Variants in CCDC190 observed in about 807,000 individuals in gnomAD.
CCDC190 encodes coiled-coil domain containing 190, also known as coiled-coil domain-containing protein 190.
In CCDC190, 10 loss-of-function variants were observed where a neutral mutation model predicts 13.1. The ratio of observed to expected loss-of-function variants is 0.77; its 90% CI spans 0.47 to 1.30. CCDC190 has a LOEUF of 1.30. CCDC190 is among the 50% of genes most tolerant of loss of function. The pLI is 0.00. For missense variants in CCDC190, 375 were observed against 354.3 expected (o/e 1.06, Z -0.47); for synonymous variants, 136 against 127.2 (o/e 1.07, Z -0.47).
upstream of CCDC190, among the ~76,000 whole-genome samples, chr1:162,864,705 T>C (rs1650639043): frequency 6.6e-6 from 1 of 152,062 alleles, no homozygotes; most frequent in South Asian, 2.1e-4. Flanking sequence ...TAAAGCTGTA[T>C]ACTCTACACT....
chr1:162,857,619 C>T (rs927105912), intron 2 of CCDC190, among the ~76,000 whole-genome samples: 13 of 152,138 alleles, frequency 8.5e-5, no homozygotes, highest in African/African-American at 2.7e-4. Flanking sequence ...ACAAACTTCC[C>T]GCCCTTTCCC....
intron 2 of CCDC190, chr1:162,855,957 C>T: frequency 2.3e-6 from 1 of 442,164 alleles, no homozygotes; most frequent in Non-Finnish European, 4.1e-6. Flanking sequence ...GAACTTAGAA[C>T]ACACAGACAC....
At chr1:162,867,501 G>A (rs1011943147) in intron 1 of CCDC190, among the ~76,000 whole-genome samples, 2 of 152,186 alleles carry the variant, frequency 1.3e-5, no homozygotes, top group African/African-American at 2.4e-5. Flanking sequence ...AAAATGGTAT[G>A]ACCATTTTGG....
intron 2 of CCDC190, among the ~76,000 whole-genome samples, chr1:162,858,373 T>C (rs911440437): frequency 6.6e-6 from 1 of 152,210 alleles, no homozygotes; most frequent in African/African-American, 2.4e-5. Context: ...AAATGGCTTC[T>C]AAGACCCTTT....
chr1:162,866,771 G>C (rs113617104), intron 1 of CCDC190, among the ~76,000 whole-genome samples: 119,497 of 151,576 alleles, frequency 0.79, 49,963 homozygotes, highest in Non-Finnish European at 0.94. Context: ...CCACAGAGGA[G>C]ACTTTAGAAG....
intron 2 of CCDC190, among the ~76,000 whole-genome samples, chr1:162,857,842 T>C (rs1009922176): frequency 6.6e-6 from 1 of 152,208 alleles, no homozygotes; most frequent in East Asian, 1.9e-4. Context: ...CTTTTTCATA[T>C]TTGCATTCCA....
intron 3 of CCDC190, 47 bp from the exon 4 acceptor site, chr1:162,855,406 CT>C: frequency 6.5e-7 from 1 of 1,543,146 alleles, no homozygotes. Flanking sequence ...AATAAAAAGG[CT>C]CTTCTTTAGA....
rs780778113 is a variant in CCDC190, at chr1:162,854,962, C to G, written c.709G>C (p.Glu237Gln). ...PKHMECAGSF[E>Q]GEFTKPTFLE... ...AAGGTTGGCTTTGTGAACTCGCCTT[C>G]GAAGCTTCCTGCACATTCCATGTGT... Residue 237 changes from glutamate (E) to glutamine (Q), a missense_variant, in exon 4 of 4, where the codon GAA (glutamate) becomes CAA (glutamine). Coordinates refer to ENST00000367912, the MANE Select transcript of CCDC190 (RefSeq NM_001394065.1). 1.9e-6 allele frequency: 3 copies of G among 1,614,000 alleles called. No individual in the cohort carries two copies. Among genetic ancestry groups the G allele is most frequent in the Non-Finnish European group, 2.5e-6 (3 of 1,179,878 alleles).
intron 2 of CCDC190, among the ~76,000 whole-genome samples, chr1:162,857,729 G>T (rs753303693): frequency 6.6e-6 from 1 of 152,040 alleles, no homozygotes; most frequent in Non-Finnish European, 1.5e-5. Context: ...TTATGTTCCT[G>T]CCCTACTTTG....
At position 162,852,977 on chromosome 1, in the gene CCDC190, A is replaced by G. The variant is rs1650165136; in HGVS notation, c.*1788T>C. On this transcript the variant is annotated 3_prime_UTR_variant, in exon 4 of 4. Coordinates refer to ENST00000367912, the MANE Select transcript of CCDC190 (RefSeq NM_001394065.1). ...GGGGTTCTCTAATTGTTGTATGCCT[A>G]TTCATGTTGGCCCAGGCATGGCTGG... The G allele has an allele frequency of 2.7e-6, 2 of 740,650 alleles. No individual in the cohort carries two copies. The highest frequency in any genetic ancestry group is 3.4e-5 in the South Asian group (2 of 59,572). 45.9% of individuals were successfully genotyped at this position (740,650 alleles called of 1,614,324 possible).
chr1:162,866,841 G>C (rs890414693), intron 1 of CCDC190, among the ~76,000 whole-genome samples: 2 of 151,842 alleles, frequency 1.3e-5, no homozygotes, highest in Non-Finnish European at 2.9e-5. Flanking sequence ...TTTAATGGGG[G>C]GGAAAGAATA....
Position 162,855,268 on chromosome 1 carries a change from T to A in CCDC190, c.403A>T (p.Ser135Cys). 1 of 1,613,964 alleles carries A rather than the reference T, an allele frequency of 6.2e-7. No individual in the cohort carries two copies. The highest frequency in any genetic ancestry group is 8.5e-7 in the Non-Finnish European group (1 of 1,179,888). The change falls in exon 4 of 4, where the codon AGC (serine) becomes TGC (cysteine). Residue 135 changes from serine (S) to cysteine (C), a missense_variant. Ser to Cys is a moderately radical substitution (Grantham distance 112). Transcript: ENST00000367912. ...HDAGLKDPMK[S>C]KKQPLSQNNR... ...TTTTGAGAGAGTGGCTGCTTTTTGC[T>A]CTTCATGGGGTCTTTGAGGCCAGCA... is the stretch of plus-strand genomic sequence containing the variant.
intron 2 of CCDC190, among the ~76,000 whole-genome samples, chr1:162,856,964 A>G (rs866534800): frequency 6.6e-6 from 1 of 152,128 alleles, no homozygotes. Context: ...TATGGGCCCA[A>G]TAGGTTCAAA....
chr1:162,859,386 C>T, intron 2 of CCDC190, 74 bp downstream of exon 2: 1 of 1,364,370 alleles, frequency 7.3e-7, no homozygotes, highest in Non-Finnish European at 1.0e-6. Context: ...TCTGAAAGGG[C>T]CTCAGCGGAG....
At chr1:162,864,867 G>A (rs547326472), upstream of CCDC190, among the ~76,000 whole-genome samples, 45 of 152,050 alleles carry the variant, frequency 3.0e-4, no homozygotes, top group African/African-American at 1.0e-3. Context: ...GAAATAAATG[G>A]CAAGATGATA....
At chr1:162,861,805 C>T (rs985617684), upstream of CCDC190, among the ~76,000 whole-genome samples, 3 of 152,114 alleles carry the variant, frequency 2.0e-5, no homozygotes, top group Non-Finnish European at 4.4e-5. Flanking sequence ...TGCCTTGGAG[C>T]TTCGTCTGAA....
chr1:162,855,060 C>T lies in CCDC190; in HGVS notation c.611G>A (p.Cys204Tyr), dbSNP rs1650246062. The T allele has an allele frequency of 1.2e-6, 2 of 1,614,036 alleles. No homozygotes were observed. The highest frequency in any genetic ancestry group is 1.7e-6 in the Non-Finnish European group (2 of 1,179,900). Residue 204 changes from cysteine to tyrosine, a missense_variant, in exon 4 of 4, where the codon TGT becomes TAT. Physicochemically the swap from Cys to Tyr is radical, Grantham distance 194. Transcript: ENST00000367912. ...SSPASDSGMA[C>Y]ADETRSKDVA... ...ATCTTTTGATCTGGTCTCATCAGCA[C>T]ATGCCATTCCACTATCACTAGCTGG... is the stretch of plus-strand genomic sequence containing the variant.
chr1:162,867,404 C>T (rs1005150181), intron 1 of CCDC190, among the ~76,000 whole-genome samples: 3 of 152,084 alleles, frequency 2.0e-5, no homozygotes, highest in Non-Finnish European at 4.4e-5. Context: ...TTACCGTTAG[C>T]ACAATTTAAA....
In CCDC190 at chr1:162,854,153, G is replaced by C. The variant is rs1028538308; in HGVS notation, c.*612C>G. 1.5e-5 allele frequency: 13 copies of C among 873,266 alleles called. No homozygotes were observed. The African/African-American group carries it at 2.4e-4, about 16-fold the overall frequency. The allele number at this position is 873,266 out of a possible 1,614,324, so 54.1% of individuals were successfully genotyped here. On this transcript the variant is annotated 3_prime_UTR_variant, in exon 4 of 4. Coordinates refer to ENST00000367912, the MANE Select transcript of CCDC190 (RefSeq NM_001394065.1). The stretch of plus-strand genomic sequence containing the variant: ...AATCCTTTGATTCTAGAAGATATGA[G>C]AGGGAAAAGATTGTCCATTATTCTT...
Sources: allele counts gnomAD v4.1 joint callset (sites outside exome capture counted in the v4.1 genomes callset), GRCh38; gene constraint gnomAD v4.1.1; transcripts MANE v1.5; gene names NCBI Gene and HGNC (gene_info 2026-07-23, HGNC 2026-07-21).